HIBADH: variants seen among roughly 807,000 people sequenced by gnomAD.
HIBADH encodes the protein 3-hydroxyisobutyrate dehydrogenase, mitochondrial.
In HIBADH, 25 loss-of-function variants were observed where a neutral mutation model predicts 36.1. That is an observed-to-expected ratio of 0.69 (90% CI 0.50 to 0.97). HIBADH has a LOEUF of 0.97. Among genes scored for constraint, HIBADH ranks in the 50% least tolerant of loss-of-function variants. HIBADH has a pLI of 0.00. For synonymous variants in HIBADH, 160 were observed against 149.5 expected, an observed-to-expected ratio of 1.07 and a Z score of -0.51; for missense variants, 421 against 418.0, an observed-to-expected ratio of 1.01 and a Z score of -0.06.
chr7:27,566,976 G>A (rs1213071235), intron 4 of HIBADH, among the ~76,000 whole-genome samples: 1 of 152,142 alleles, frequency 6.6e-6, no homozygotes, highest in Non-Finnish European at 1.5e-5. Flanking sequence ...TGGTAAATGT[G>A]CACTGAAGTA....
chr7:27,639,829 G>A (rs1268842656), intron 2 of HIBADH, among the ~76,000 whole-genome samples: 1 of 152,104 alleles, frequency 6.6e-6, no homozygotes, highest in Non-Finnish European at 1.5e-5. Context: ...TATCAGAATA[G>A]GTTAACACTT....
intron 4 of HIBADH, among the ~76,000 whole-genome samples, chr7:27,556,605 G>A (rs920288766): frequency 3.9e-5 from 6 of 152,108 alleles, no homozygotes; most frequent in Non-Finnish European, 8.8e-5. Flanking sequence ...AGTGTATGGG[G>A]TGAAGTAGGG....
At chr7:27,535,950 G>A (rs1250756986) in intron 6 of HIBADH, among the ~76,000 whole-genome samples, 2 of 152,046 alleles carry the variant, frequency 1.3e-5, no homozygotes, top group Non-Finnish European at 2.9e-5. Context: ...AGGAATGGGT[G>A]ACTCAATTTG....
intron 4 of HIBADH, among the ~76,000 whole-genome samples, chr7:27,618,888 G>A (rs1387898391): frequency 3.3e-5 from 5 of 152,144 alleles, no homozygotes. Flanking sequence ...CAGGTCTCCT[G>A]AGTAGTTACT....
intron 4 of HIBADH, among the ~76,000 whole-genome samples, chr7:27,557,178 T>G (rs1462366826): frequency 6.6e-6 from 1 of 151,674 alleles, no homozygotes; most frequent in African/African-American, 2.4e-5. Context: ...TTTATTTACT[T>G]ATTCTCCCAG....
At chr7:27,596,102 C>T (rs368011893) in intron 4 of HIBADH, among the ~76,000 whole-genome samples, 2 of 152,134 alleles carry the variant, frequency 1.3e-5, no homozygotes, top group African/African-American at 4.8e-5. Context: ...AAGTATTTCT[C>T]ACATTTCTGA....
At chr7:27,639,025 G>C (rs189791738) in intron 2 of HIBADH, among the ~76,000 whole-genome samples, 2 of 152,300 alleles carry the variant, frequency 1.3e-5, no homozygotes, top group Non-Finnish European at 2.9e-5. Flanking sequence ...TGTGGAAGCA[G>C]TGTGGTGATT....
chr7:27,655,574 A>G (rs931402069), intron 1 of HIBADH, among the ~76,000 whole-genome samples: 4 of 152,064 alleles, frequency 2.6e-5, no homozygotes, highest in Non-Finnish European at 5.9e-5. Flanking sequence ...GCATATCTAT[A>G]TGGAAAAAAT....
chr7:27,534,437 CAGTA>C (rs1267258020), intron 6 of HIBADH, among the ~76,000 whole-genome samples: 1 of 152,152 alleles, frequency 6.6e-6, no homozygotes, highest in Non-Finnish European at 1.5e-5. Flanking sequence ...GCGAAGGAGA[CAGTA>C]AGAAGGAAGC....
chr7:27,563,193 T>C (rs145996125), intron 4 of HIBADH, among the ~76,000 whole-genome samples: 168 of 152,314 alleles, frequency 1.1e-3, no homozygotes, highest in African/African-American at 3.9e-3. Flanking sequence ...CTTCTTTCAC[T>C]CATACAATGC....
At chr7:27,578,860 C>T (rs1784751942) in intron 4 of HIBADH, among the ~76,000 whole-genome samples, 1 of 152,150 alleles carries the variant, frequency 6.6e-6, no homozygotes, top group African/African-American at 2.4e-5. Flanking sequence ...CTGAATACTA[C>T]ACTTCTTAAA....
At chr7:27,551,990 T>C (rs931154210) in intron 4 of HIBADH, among the ~76,000 whole-genome samples, 9 of 152,204 alleles carry the variant, frequency 5.9e-5, no homozygotes, top group African/African-American at 2.2e-4. Flanking sequence ...GGTGTCTCTA[T>C]TGTTTACCAG....
intron 6 of HIBADH, 137 bp from the exon 7 acceptor site, chr7:27,531,485 A>T (rs1041288097): frequency 8.6e-6 from 6 of 700,038 alleles, no homozygotes; most frequent in Non-Finnish European, 1.3e-5. Context: ...TTGATACGAG[A>T]GTGAAGAATC....
chr7:27,564,489 CTTATT>C lies in HIBADH; in HGVS notation c.485-21394_485-21390del, dbSNP rs146684639. ...TCAAAAAACAAAAACATTCACGAGT[CTTATT>C]TTAAACTCTCTTCTGTTTCACTGAT... On this transcript the variant is annotated intron_variant, in intron 4 of 7. Coordinates refer to ENST00000265395, the MANE Select transcript of HIBADH (RefSeq NM_152740.4). Among the ~76,000 whole-genome samples the C allele has an allele frequency of 5.3e-5, 8 of 152,288 alleles. No homozygotes were observed. The East Asian group carries it at 9.6e-4, about 18-fold the overall frequency.
At chr7:27,613,049 T>C (rs970281663) in intron 4 of HIBADH, among the ~76,000 whole-genome samples, 3 of 133,502 alleles carry the variant, frequency 2.2e-5, no homozygotes, top group Non-Finnish European at 4.7e-5. Flanking sequence ...TATATAAATA[T>C]ATATAATATA....
chr7:27,577,820 A>T (rs1784735990), intron 4 of HIBADH, among the ~76,000 whole-genome samples: 1 of 152,226 alleles, frequency 6.6e-6, no homozygotes, highest in Non-Finnish European at 1.5e-5. Context: ...TACTTCCCTG[A>T]TGTACCATTG....
chr7:27,551,420 G>A (rs1023786626), intron 4 of HIBADH, among the ~76,000 whole-genome samples: 2 of 151,978 alleles, frequency 1.3e-5, no homozygotes, highest in Non-Finnish European at 2.9e-5. Flanking sequence ...ACATTGGAAA[G>A]GTATATAGCT....
At chr7:27,566,283 C>T (rs1583572642) in intron 4 of HIBADH, among the ~76,000 whole-genome samples, 1 of 152,012 alleles carries the variant, frequency 6.6e-6, no homozygotes, top group East Asian at 1.9e-4. Context: ...AAAAAAACAT[C>T]TAGGCTTCTG....
chr7:27,526,165 T>C lies in HIBADH; in HGVS notation c.*49A>G. On this transcript the variant is annotated 3_prime_UTR_variant, in exon 8 of 8. Transcript: ENST00000265395. ...CTTGTGGAGTGAGCTAAAAGGAGGC[T>C]CCAAGACAGAGTTTGGTTCCCAACA... The C allele has an allele frequency of 1.3e-6, 2 of 1,515,468 alleles. No homozygotes were observed. Among genetic ancestry groups the C allele is most frequent in the Non-Finnish European group, 1.8e-6 (2 of 1,130,784 alleles). The allele number at this position is 1,515,468 out of a possible 1,614,324, so 93.9% of individuals were successfully genotyped here.
Sources: gnomAD v4.1 joint callset for allele counts (sites outside exome capture counted in the v4.1 genomes callset) on GRCh38, gnomAD v4.1.1 for gene constraint, MANE v1.5 for transcripts, NCBI Gene and HGNC (gene_info 2026-07-23, HGNC 2026-07-21) for gene names.